Variants in ZMYM2 observed in about 807,000 individuals in gnomAD.
The protein encoded by ZMYM2 is zinc finger MYM-type containing 2.
ZMYM2 carries 56 observed loss-of-function variants against 162.8 expected under a neutral mutation model. That is an observed-to-expected ratio of 0.34 (90% CI 0.28 to 0.43). The LOEUF (loss-of-function observed/expected upper bound fraction) is 0.43, where lower values mean the gene tolerates loss of function less well. Among genes scored for constraint, ZMYM2 ranks in the 20% least tolerant of loss-of-function variants. The pLI is 1.00. For synonymous variants in ZMYM2, 510 were observed against 541.6 expected, an observed-to-expected ratio of 0.94 and a Z score of 0.81; for missense variants, 1,275 against 1,621.8, an observed-to-expected ratio of 0.79 and a Z score of 3.67.
At chr13:20,050,574 C>T (rs1477625966) in intron 12 of ZMYM2, among the ~76,000 whole-genome samples, 1 of 151,908 alleles carries the variant, frequency 6.6e-6, no homozygotes. Flanking sequence ...TTTGAAATTA[C>T]ATCGTTTTTC....
chr13:20,021,638 C>G (rs1294218266), intron 7 of ZMYM2, among the ~76,000 whole-genome samples: 4 of 151,966 alleles, frequency 2.6e-5, no homozygotes, highest in Non-Finnish European at 5.9e-5. Context: ...TGAATCATCC[C>G]CCGTATTACA....
chr13:20,088,823 T>C lies in ZMYM2; in HGVS notation c.*2809T>C. The C allele has an allele frequency of 5.1e-6, 1 of 194,374 alleles. No homozygotes were observed. The highest frequency in any genetic ancestry group is 1.1e-5 in the Non-Finnish European group (1 of 93,170). The allele number at this position is 194,374 out of a possible 1,614,324, so 12.0% of individuals were successfully genotyped here. On this transcript the variant is annotated 3_prime_UTR_variant, in exon 25 of 25. Coordinates refer to ENST00000610343, the MANE Select transcript of ZMYM2 (RefSeq NM_197968.4). ...TATGACTTGGGAATGGGGTAACTTC[T>C]TTATGCATAGTATTAAGGGTTATAG... is the stretch of plus-strand genomic sequence containing the variant.
the ZMYM2 span, among the ~76,000 whole-genome samples, chr13:19,885,868 TATATGTATATACAC>T: frequency 0.019 from 2,154 of 114,536 alleles, 565 homozygotes; most frequent in Middle Eastern, 0.047. Context: ...AAAAAATATA[TATATGTATATACAC>T]ATATATATGT....
chr13:20,024,377 C>A (rs752881976), intron 7 of ZMYM2: 3 of 207,902 alleles, frequency 1.4e-5, no homozygotes, highest in African/African-American at 2.3e-5. Context: ...GGAATAGACT[C>A]ACTCGGTCAG....
chr13:19,899,420 T>C, the ZMYM2 span, among the ~76,000 whole-genome samples: 2 of 151,980 alleles, frequency 1.3e-5, no homozygotes, highest in Non-Finnish European at 2.9e-5. Flanking sequence ...AATTAAACTT[T>C]ACACATTAAG....
intron 7 of ZMYM2, among the ~76,000 whole-genome samples, chr13:20,020,364 A>G (rs1394509929): frequency 6.6e-6 from 1 of 151,386 alleles, no homozygotes; most frequent in Non-Finnish European, 1.5e-5. Context: ...CCTCCCAAGT[A>G]GCTGGGATTA....
the ZMYM2 span, among the ~76,000 whole-genome samples, chr13:19,894,754 A>G: frequency 2.0e-5 from 3 of 152,050 alleles, no homozygotes; most frequent in African/African-American, 7.3e-5. Context: ...TTGCCTTTGC[A>G]GCATGATAAA....
intron 21 of ZMYM2, among the ~76,000 whole-genome samples, chr13:20,080,059 A>G (rs1237466081): frequency 6.6e-6 from 1 of 152,222 alleles, no homozygotes; most frequent in Non-Finnish European, 1.5e-5. Flanking sequence ...AGCTGGAATC[A>G]TGATGTTATA....
chr13:19,943,761 T>A, the ZMYM2 span, among the ~76,000 whole-genome samples: 1 of 152,312 alleles, frequency 6.6e-6, no homozygotes, highest in South Asian at 2.1e-4. Context: ...CTAAAACTGC[T>A]CTTGCCCCGT....
At chr13:20,023,968 T>C (rs1039444774) in intron 7 of ZMYM2, among the ~76,000 whole-genome samples, 2 of 151,490 alleles carry the variant, frequency 1.3e-5, no homozygotes, top group Non-Finnish European at 2.9e-5. Flanking sequence ...GCAGTCTCAC[T>C]CTGTTGCCCA....
chr13:19,951,135 C>T, the ZMYM2 span, among the ~76,000 whole-genome samples: 29 of 152,042 alleles, frequency 1.9e-4, 1 homozygote, highest in African/African-American at 7.0e-4. Flanking sequence ...TGGACACCCA[C>T]GCTCTAAAGC....
In ZMYM2 at chr13:20,014,762, GTTT is replaced by G. The variant is rs71070286; in HGVS notation, c.1513-4767_1513-4765del. ...TGAGAAGTTAGGTTATTTACTTTAG[GTTT>G]TTTTTTTTTTTTTTTTTGGGGACAA... On this transcript the variant is annotated intron_variant, in intron 6 of 24. Transcript: ENST00000610343. Among the ~76,000 whole-genome samples the G allele has an allele frequency of 8.6e-5, 8 of 92,816 alleles. No homozygotes were observed. In the South Asian group the frequency reaches 3.3e-3, roughly 39 times the overall value. The allele number at this position is 92,816 out of a possible 152,430, so 60.9% of individuals were successfully genotyped here. A position where few individuals can be genotyped will look rare whatever the true frequency, so the allele number is the denominator to read the frequency against.
the ZMYM2 span, among the ~76,000 whole-genome samples, chr13:19,899,599 C>G: frequency 6.6e-6 from 1 of 151,872 alleles, no homozygotes; most frequent in Non-Finnish European, 1.5e-5. Context: ...GGGTGGATCA[C>G]TAGGTCAGGA....
the ZMYM2 span, among the ~76,000 whole-genome samples, chr13:19,893,002 C>CTGT: frequency 6.6e-6 from 1 of 151,674 alleles, no homozygotes; most frequent in African/African-American, 2.4e-5. Flanking sequence ...TGTGAGCCAC[C>CTGT]ATGCCTGGCC....
rs369364385 is a variant in ZMYM2, at chr13:20,051,253, G to GCATCTTTTTTTTTTTTTTTTTT, written c.2293-180_2293-179insCATCTTTTTTTTTTTTTTTTTT. Among the ~76,000 whole-genome samples the GCATCTTTTTTTTTTTTTTTTTT allele has an allele frequency of 1.6e-4, 12 of 74,208 alleles. 2 individuals are homozygous for GCATCTTTTTTTTTTTTTTTTTT. The highest frequency in any genetic ancestry group is 3.4e-4 in the African/African-American group (8 of 23,214). 48.7% of individuals were successfully genotyped at this position (74,208 alleles called of 152,430 possible). On this transcript the variant is annotated intron_variant, in intron 12 of 24. Coordinates refer to ENST00000610343, the MANE Select transcript of ZMYM2 (RefSeq NM_197968.4). ...GATGGACTTTGTCAACTGTGAAATT[G>GCATCTTTTTTTTTTTTTTTTTT]TATTTTTTTTTTTTTTTTTCATTTA... is the stretch of plus-strand genomic sequence containing the variant.
intron 3 of ZMYM2, among the ~76,000 whole-genome samples, chr13:20,002,260 A>AC (rs1950450101): frequency 6.6e-6 from 1 of 152,220 alleles, no homozygotes; most frequent in African/African-American, 2.4e-5. Context: ...CCTTGCCTAA[A>AC]GTGATATTTT....
chr13:20,046,163 A>G (rs189134530), intron 12 of ZMYM2, among the ~76,000 whole-genome samples: 1 of 151,876 alleles, frequency 6.6e-6, no homozygotes, highest in East Asian at 1.9e-4. Context: ...GAGGCAAGAG[A>G]ATTGCTTGAG....
At chr13:19,965,564 C>G (rs1955679208) in intron 2 of ZMYM2, among the ~76,000 whole-genome samples, 1 of 152,086 alleles carries the variant, frequency 6.6e-6, no homozygotes, top group African/African-American at 2.4e-5. Context: ...TTTGGCTCTG[C>G]TTGGAAGAGC....
At chr13:20,075,793 T>C (rs1048486040) in intron 21 of ZMYM2, among the ~76,000 whole-genome samples, 2 of 149,760 alleles carry the variant, frequency 1.3e-5, no homozygotes, top group Non-Finnish European at 3.0e-5. Flanking sequence ...GCAATTCTTC[T>C]GCCTCAGCCT....
Sources: allele counts gnomAD v4.1 joint callset (sites outside exome capture counted in the v4.1 genomes callset), GRCh38; gene constraint gnomAD v4.1.1; transcripts MANE v1.5; gene names NCBI Gene and HGNC (gene_info 2026-07-23, HGNC 2026-07-21).